The following USP53 variants were observed in gnomAD, a reference collection of about 807,000 sequenced individuals.
USP53 encodes the protein ubiquitin specific peptidase 53, also known as ubiquitin carboxyl-terminal hydrolase 53.
USP53 carries 71 observed loss-of-function variants against 94.9 expected under a neutral mutation model. The ratio of observed to expected loss-of-function variants is 0.75; its 90% CI spans 0.62 to 0.91. USP53 has a LOEUF of 0.91. Among genes scored for constraint, USP53 ranks in the 40% least tolerant of loss-of-function variants. The pLI, the probability that USP53 is intolerant of heterozygous loss-of-function variation, is 0.00. For missense variants in USP53, 1,173 were observed against 1,281.0 expected (o/e 0.92, Z 1.29); for synonymous variants, 375 against 422.7 (o/e 0.89, Z 1.39).
chr4:119,216,452 GTC>G (rs1471079481), intron 2 of USP53, among the ~76,000 whole-genome samples: 1 of 151,230 alleles, frequency 6.6e-6, no homozygotes, highest in Non-Finnish European at 1.5e-5. Flanking sequence ...TCTAAATCAA[GTC>G]TCTGTTGCTG....
chr4:119,273,775 T>C, intron 17 of USP53, 67 bp downstream of exon 17: 1 of 1,333,174 alleles, frequency 7.5e-7, no homozygotes, highest in Non-Finnish European at 1.0e-6. Flanking sequence ...TTGTTTGCTA[T>C]TATGTATCTG....
Position 119,293,355 on chromosome 4 carries a change from T to G in USP53, c.*144T>G. ...CTTCTCAGAGGCCATTTAAATATAA[T>G]AGGAACCTACTGACCAAACCTAGTG... On this transcript the variant is annotated 3_prime_UTR_variant, in exon 19 of 19. Coordinates refer to ENST00000692078, the MANE Select transcript of USP53 (RefSeq NM_001371395.1). 3 of 955,042 alleles carry G rather than the reference T, an allele frequency of 3.1e-6. No homozygotes were observed. Among genetic ancestry groups the G allele is most frequent in the Non-Finnish European group, 4.5e-6 (3 of 669,374 alleles). 59.2% of individuals were successfully genotyped at this position (955,042 alleles called of 1,614,324 possible).
Position 119,292,916 on chromosome 4 carries a change from A to G in USP53, c.2927A>G (p.His976Arg). The G allele has an allele frequency of 6.2e-7, 1 of 1,614,136 alleles. No individual in the cohort carries two copies. The highest frequency in any genetic ancestry group is 2.2e-5 in the East Asian group (1 of 44,886). Residue 976 changes from histidine to arginine, a missense_variant, in exon 19 of 19, where the codon CAT becomes CGT. Physicochemically the swap from His to Arg is conservative, Grantham distance 29. Transcript: ENST00000692078. ...ASEPSLEVSTHMNDERHKETF... is the reference protein window; with the variant it reads ...ASEPSLEVSTRMNDERHKETF... ...GAACCAAGTTTAGAAGTGAGTACAC[A>G]TATGAATGATGAAAGACATAAAGAA...
chr4:119,275,481 T>C (rs1337409205), intron 17 of USP53, among the ~76,000 whole-genome samples: 2 of 140,640 alleles, frequency 1.4e-5, no homozygotes, highest in Non-Finnish European at 3.2e-5. Context: ...ACCAGTACCA[T>C]GCTGTTTTGG....
At chr4:119,257,884 T>G (rs916473786) in intron 9 of USP53, among the ~76,000 whole-genome samples, 5 of 152,208 alleles carry the variant, frequency 3.3e-5, no homozygotes, top group Non-Finnish European at 5.9e-5. Context: ...AAAATTTTAA[T>G]TCTACTTTAA....
intron 3 of USP53, among the ~76,000 whole-genome samples, chr4:119,231,310 T>A (rs148332077): frequency 1.3e-5 from 2 of 152,342 alleles, no homozygotes; most frequent in African/African-American, 4.8e-5. Flanking sequence ...ACCTAATATA[T>A]CTCAATAAAA....
At chr4:119,260,062 T>G (rs1750295732) in intron 10 of USP53, 137 bp downstream of exon 10, 3 of 551,438 alleles carry the variant, frequency 5.4e-6, no homozygotes, top group Non-Finnish European at 8.7e-6. Flanking sequence ...TATTTTAGAT[T>G]ATACCATGTG....
intron 9 of USP53, among the ~76,000 whole-genome samples, chr4:119,257,844 T>C (rs1749977503): frequency 6.6e-6 from 1 of 152,200 alleles, no homozygotes; most frequent in Non-Finnish European, 1.5e-5. Flanking sequence ...AGTAGGATGG[T>C]GTTCAAAGAT....
intron 17 of USP53, among the ~76,000 whole-genome samples, chr4:119,286,869 A>G (rs1315369863): frequency 1.3e-5 from 2 of 152,006 alleles, no homozygotes; most frequent in Non-Finnish European, 2.9e-5. Flanking sequence ...AAGATTGGCA[A>G]AGTTTTCGAG....
intron 4 of USP53, among the ~76,000 whole-genome samples, chr4:119,237,202 G>A (rs1177411658): frequency 6.6e-6 from 1 of 152,162 alleles, no homozygotes; most frequent in African/African-American, 2.4e-5. Context: ...AAACCATGCT[G>A]TAAACAGATG....
chr4:119,220,548 G>C (rs1208835116), intron 3 of USP53: 1 of 152,108 alleles, frequency 6.6e-6, no homozygotes, highest in African/African-American at 2.4e-5. Context: ...CTTTTAACAA[G>C]CCATAAGTGA....
chr4:119,240,010 A>T (rs981444613), intron 5 of USP53, 107 bp downstream of exon 5: 1 of 1,138,932 alleles, frequency 8.8e-7, no homozygotes, highest in African/African-American at 1.6e-5. Context: ...ATAGACTAGA[A>T]TGACTTTTTA....
At chr4:119,290,321 T>G (rs1754608304) in intron 17 of USP53, among the ~76,000 whole-genome samples, 1 of 152,150 alleles carries the variant, frequency 6.6e-6, no homozygotes, top group Non-Finnish European at 1.5e-5. Context: ...AAGACTTCAT[T>G]AAAATTAAAT....
intron 1 of USP53, among the ~76,000 whole-genome samples, chr4:119,213,419 C>G (rs1304922675): frequency 6.6e-6 from 1 of 151,870 alleles, no homozygotes; most frequent in African/African-American, 2.4e-5. Flanking sequence ...TGTTTAGCTT[C>G]TAAAGGGCGG....
chr4:119,216,547 A>G (rs1702555592), intron 2 of USP53, among the ~76,000 whole-genome samples: 1 of 152,136 alleles, frequency 6.6e-6, no homozygotes, highest in South Asian at 2.1e-4. Flanking sequence ...TCTCCTTTCT[A>G]GTCCAGAAAG....
chr4:119,273,798 A>G (rs1434296577), intron 17 of USP53, 90 bp downstream of exon 17: 3 of 1,003,666 alleles, frequency 3.0e-6, no homozygotes, highest in Non-Finnish European at 2.9e-6. Flanking sequence ...AGAAAATCCT[A>G]TATGACTATA....
chr4:119,259,827 G>T lies in USP53; in HGVS notation c.577G>T (p.Val193Phe). The change falls in exon 10 of 19, where the codon GTT becomes TTT. Residue 193 changes from valine to phenylalanine, a missense_variant. Physicochemically the swap from Val to Phe is conservative, Grantham distance 50. Coordinates refer to ENST00000692078, the MANE Select transcript of USP53 (RefSeq NM_001371395.1). ...TTGCTTCTTTTTTTGTAGCAATGAG[G>T]TTGAAAGAATGTTGGAAAGGCATGA... ...YISTTALCNE[V>F]ERMLERHERF... 2 of 1,608,840 alleles carry T rather than the reference G, an allele frequency of 1.2e-6. No homozygotes were observed. Among genetic ancestry groups the T allele is most frequent in the Non-Finnish European group, 1.7e-6 (2 of 1,177,776 alleles).
chr4:119,281,136 CA>C (rs1753470059), intron 17 of USP53, among the ~76,000 whole-genome samples: 1 of 152,102 alleles, frequency 6.6e-6, no homozygotes, highest in Non-Finnish European at 1.5e-5. Flanking sequence ...GATTTGTTAG[CA>C]ACACATAACA....
At position 119,292,474 on chromosome 4, in the gene USP53, G is replaced by C; in HGVS notation, c.2485G>C (p.Glu829Gln). Residue 829 changes from glutamate to glutamine, a missense_variant, in exon 19 of 19, where the codon GAG becomes CAG. Transcript: ENST00000692078. ...LEKPNECKFS[E>Q]WLNIENSERT... ...AAAACCGAATGAATGCAAATTTTCT[G>C]AGTGGCTTAATATAGAAAATTCTGA... 6.2e-7 allele frequency: 1 copy of C among 1,613,986 alleles called. No individual in the cohort carries two copies. The highest frequency in any genetic ancestry group is 8.5e-7 in the Non-Finnish European group (1 of 1,179,914).
Sources: allele counts gnomAD v4.1 joint callset (sites outside exome capture counted in the v4.1 genomes callset), GRCh38; gene constraint gnomAD v4.1.1; transcripts MANE v1.5; gene names NCBI Gene and HGNC (gene_info 2026-07-23, HGNC 2026-07-21).